TENM2: variants seen among roughly 807,000 people sequenced by gnomAD.
The protein encoded by TENM2 is teneurin transmembrane protein 2.
Under a neutral mutation model 245.2 loss-of-function variants are expected in TENM2, and 52 were observed. That is an observed-to-expected ratio of 0.21 (90% CI 0.17 to 0.27). The LOEUF (loss-of-function observed/expected upper bound fraction) is 0.27. TENM2 is among the 10% of genes least tolerant of loss of function. The pLI, the probability that TENM2 is intolerant of heterozygous loss-of-function variation, is 1.00. For missense variants in TENM2, 3,046 were observed against 3,666.8 expected (o/e 0.83, Z 4.37); for synonymous variants, 1,363 against 1,438.9 (o/e 0.95, Z 1.19).
intron 1 of TENM2, among the ~76,000 whole-genome samples, chr5:167,349,856 T>C (rs1417777469): frequency 6.6e-6 from 1 of 152,180 alleles, no homozygotes; most frequent in Non-Finnish European, 1.5e-5. Context: ...TCATCAAAAA[T>C]TGCTGTATTG....
At position 168,143,801 on chromosome 5, in the gene TENM2, G is replaced by A. The variant is rs150127162; in HGVS notation, c.2422+16835G>A. Among the ~76,000 whole-genome samples the A allele has an allele frequency of 4.0e-5, 6 of 150,188 alleles. No individual in the cohort carries two copies. The East Asian group carries it at 7.8e-4, about 20-fold the overall frequency. On this transcript the variant is annotated intron_variant, in intron 12 of 28. Coordinates refer to ENST00000518659, the Ensembl canonical transcript of TENM2. ...TCAATGATACCAGTATAAACTGTAC[G>A]TGTCTGAGCTAATATTAACTAGAAA...
intron 4 of TENM2, among the ~76,000 whole-genome samples, chr5:167,962,262 A>G (rs1327089352): frequency 1.3e-5 from 2 of 151,822 alleles, no homozygotes; most frequent in Non-Finnish European, 2.9e-5. Context: ...GTGGGAAGAT[A>G]GGAGTGCCAA....
At chr5:167,423,104 C>G (rs1262695287) in intron 2 of TENM2, among the ~76,000 whole-genome samples, 1 of 151,122 alleles carries the variant, frequency 6.6e-6, no homozygotes, top group African/African-American at 2.4e-5. Flanking sequence ...TTTTTTTTAG[C>G]AATGAACAAA....
chr5:167,105,203 T>A, the TENM2 span, among the ~76,000 whole-genome samples: 2 of 152,206 alleles, frequency 1.3e-5, no homozygotes, highest in Non-Finnish European at 2.9e-5. Context: ...GAGTCTATAA[T>A]TTTTGACTTA....
chr5:167,012,822 CTG>C, the TENM2 span, among the ~76,000 whole-genome samples: 2 of 151,990 alleles, frequency 1.3e-5, no homozygotes. Context: ...ATGGGGAGCA[CTG>C]TGTCCACCAG....
At chr5:167,404,921 T>A (rs979794938) in intron 2 of TENM2, among the ~76,000 whole-genome samples, 2 of 152,114 alleles carry the variant, frequency 1.3e-5, no homozygotes, top group Admixed American at 1.3e-4. Context: ...TTCAGAACTC[T>A]TAGCAGTCAT....
chr5:168,112,367 T>C (rs1212194521), intron 9 of TENM2, among the ~76,000 whole-genome samples: 2 of 152,058 alleles, frequency 1.3e-5, no homozygotes, highest in African/African-American at 4.8e-5. Context: ...TGATCCTCTC[T>C]CTCCTCCCAC....
the TENM2 span, among the ~76,000 whole-genome samples, chr5:167,127,117 A>G: frequency 6.6e-6 from 1 of 152,142 alleles, no homozygotes; most frequent in Non-Finnish European, 1.5e-5. Context: ...TTGGCCAGGA[A>G]AGATGAATAA....
chr5:167,955,625 A>C (rs1398323382), intron 4 of TENM2, among the ~76,000 whole-genome samples: 2 of 152,168 alleles, frequency 1.3e-5, no homozygotes, highest in Non-Finnish European at 2.9e-5. Context: ...TCTTTAATCC[A>C]TCTTGAGTTA....
At chr5:167,018,438 A>G in the TENM2 span, among the ~76,000 whole-genome samples, 3 of 152,038 alleles carry the variant, frequency 2.0e-5, no homozygotes, top group Admixed American at 2.0e-4. Context: ...AACAAGCAAC[A>G]TAAACCAGAC....
At chr5:167,467,894 A>G (rs1440557854) in intron 2 of TENM2, among the ~76,000 whole-genome samples, 1 of 152,162 alleles carries the variant, frequency 6.6e-6, no homozygotes, top group African/African-American at 2.4e-5. Flanking sequence ...TAGCACCTTG[A>G]TCAGAAGTAT....
the TENM2 span, among the ~76,000 whole-genome samples, chr5:167,253,520 G>T: frequency 6.6e-6 from 1 of 152,034 alleles, no homozygotes; most frequent in Non-Finnish European, 1.5e-5. Flanking sequence ...AAATCATTTA[G>T]AAGTTAAAAT....
At chr5:167,781,080 G>T (rs1364720473) in intron 2 of TENM2, among the ~76,000 whole-genome samples, 4 of 152,162 alleles carry the variant, frequency 2.6e-5, no homozygotes, top group African/African-American at 9.7e-5. Context: ...GGGGGCTGAG[G>T]TGGGAGGATC....
the TENM2 span, among the ~76,000 whole-genome samples, chr5:167,007,033 A>C: frequency 1.3e-5 from 2 of 152,324 alleles, no homozygotes; most frequent in Admixed American, 1.3e-4. The surrounding 1 kb of genome is among the most constrained non-coding windows in gnomAD (Gnocchi z 4.2). Context: ...ATTTTCAAAA[A>C]TGTAATTTAA....
chr5:167,364,230 CAAGT>C (rs1199653836), intron 1 of TENM2, among the ~76,000 whole-genome samples: 1 of 151,860 alleles, frequency 6.6e-6, no homozygotes, highest in Non-Finnish European at 1.5e-5. Context: ...CAAAATATAT[CAAGT>C]AAGATTAGAA....
the TENM2 span, among the ~76,000 whole-genome samples, chr5:167,113,917 G>A: frequency 2.0e-5 from 3 of 152,140 alleles, no homozygotes; most frequent in Admixed American, 1.3e-4. Context: ...TTGTTCACAA[G>A]CTTGATGAGG....
At chr5:168,192,608 A>G (rs967585241) in intron 14 of TENM2, among the ~76,000 whole-genome samples, 6 of 152,234 alleles carry the variant, frequency 3.9e-5, no homozygotes, top group Non-Finnish European at 8.8e-5. Flanking sequence ...TATACACAGT[A>G]TTATTACTGT....
the TENM2 span, among the ~76,000 whole-genome samples, chr5:166,995,712 A>C: frequency 7.0e-6 from 1 of 142,842 alleles, no homozygotes; most frequent in Admixed American, 7.4e-5. Context: ...GCTACTCGGG[A>C]GGCTGAGGCA....
intron 4 of TENM2, among the ~76,000 whole-genome samples, chr5:167,970,073 A>G (rs777177157): frequency 6.6e-5 from 10 of 152,224 alleles, no homozygotes; most frequent in Middle Eastern, 3.2e-3. Context: ...GATTGTAATG[A>G]TTTTCTCCTC....
Sources: allele counts gnomAD v4.1 joint callset (sites outside exome capture counted in the v4.1 genomes callset), GRCh38; gene constraint gnomAD v4.1.1; non-coding constraint Gnocchi (gnomAD v3.1); transcripts MANE v1.5; gene names NCBI Gene and HGNC (gene_info 2026-07-23, HGNC 2026-07-21).